The following FAM193A variants were observed in gnomAD, a reference collection of about 807,000 sequenced individuals.
FAM193A encodes the protein family with sequence similarity 193 member A.
A neutral mutation model predicts 126.5 loss-of-function variants in FAM193A; 22 were observed. The ratio of observed to expected loss-of-function variants is 0.17; its 90% confidence interval spans 0.12 to 0.25. The LOEUF (loss-of-function observed/expected upper bound fraction) is 0.25, where lower values mean the gene tolerates loss of function less well. Among genes scored for constraint, FAM193A ranks in the 10% least tolerant of loss-of-function variants. The probability of loss-of-function intolerance (pLI) is 1.00; values close to 1 mark genes in which losing one functional copy is unlikely to be tolerated. For missense variants in FAM193A, 1,675 were observed against 1,672.8 expected (o/e 1.00, Z -0.02); for synonymous variants, 761 against 646.8 (o/e 1.18, Z -2.68).
At chr4:2,547,604 CTGTGTG>C (rs34348453) in intron 1 of FAM193A, among the ~76,000 whole-genome samples, 15 of 144,926 alleles carry the variant, frequency 1.0e-4, no homozygotes, top group African/African-American at 3.1e-4. Context: ...GTGTGTGTGT[CTGTGTG>C]TGTGTGTGTG....
intron 13 of FAM193A, among the ~76,000 whole-genome samples, chr4:2,679,375 C>CTTTTTTTTTTTTTTTTTTTTTTT (rs796366785): frequency 1.1e-5 from 1 of 87,848 alleles, no homozygotes; most frequent in Non-Finnish European, 2.3e-5. Context: ...AGTTTTCTTT[C>CTTTTTTTTTTTTTTTTTTTTTTT]TTTTTTTTTT....
rs1259877680 is a variant in FAM193A, at chr4:2,553,774, C to T, written c.255+16604C>T. 3.3e-5 allele frequency among the ~76,000 whole-genome samples: 5 copies of T among 152,082 alleles called. No individual in the cohort carries two copies. In the East Asian group the frequency reaches 9.6e-4, roughly 29 times the overall value. On this transcript the variant is annotated intron_variant, in intron 1 of 20. Transcript: ENST00000637812. ...CAATTCTCGTGTGTTGTGGGAGGGACCTGGTGGCAGGTAATTGAATCATGC... is the reference window on the plus strand; with the variant it reads ...CAATTCTCGTGTGTTGTGGGAGGGATCTGGTGGCAGGTAATTGAATCATGC...
chr4:2,581,873 T>C (rs1219295179), intron 1 of FAM193A, among the ~76,000 whole-genome samples: 2 of 151,138 alleles, frequency 1.3e-5, no homozygotes, highest in African/African-American at 4.9e-5. Context: ...CAGGATGGTC[T>C]CAGTCTCCTG....
At chr4:2,621,857 C>T (rs1742563522) in intron 2 of FAM193A, among the ~76,000 whole-genome samples, 1 of 152,120 alleles carries the variant, frequency 6.6e-6, no homozygotes, top group Non-Finnish European at 1.5e-5. Context: ...CCACTGCCCT[C>T]TCCTTGCCCT....
chr4:2,553,127 C>T lies in FAM193A; in HGVS notation c.255+15957C>T, dbSNP rs372589409. 2.6e-5 allele frequency among the ~76,000 whole-genome samples: 4 copies of T among 152,238 alleles called. 1 individual carries two copies. Among genetic ancestry groups the T allele is most frequent in the East Asian group, 1.9e-4 (1 of 5,170 alleles). On this transcript the variant is annotated intron_variant, in intron 1 of 20. Coordinates refer to ENST00000637812, the MANE Select transcript of FAM193A (RefSeq NM_001366318.2). The stretch of plus-strand genomic sequence containing the variant: ...TCTCCCAGCGTGCTGGGATTACGGG[C>T]TTGAGCCACTGTGCCTGGCCGAAGT...
chr4:2,589,476 G>A (rs1740403455), intron 1 of FAM193A, among the ~76,000 whole-genome samples: 1 of 152,176 alleles, frequency 6.6e-6, no homozygotes, highest in Non-Finnish European at 1.5e-5. Flanking sequence ...TTAAAAGGAT[G>A]CTGTAATAAT....
At chr4:2,615,542 C>T (rs890005420) in intron 2 of FAM193A, among the ~76,000 whole-genome samples, 2 of 152,056 alleles carry the variant, frequency 1.3e-5, no homozygotes, top group Admixed American at 6.6e-5. Context: ...ATTTTTGAGA[C>T]GGAGCCTCAC....
intron 1 of FAM193A, among the ~76,000 whole-genome samples, chr4:2,544,372 C>G (rs1737421579): frequency 6.6e-6 from 1 of 151,910 alleles, no homozygotes; most frequent in Non-Finnish European, 1.5e-5. Context: ...CCAGCTTGAG[C>G]TATGTAGTGA....
intron 2 of FAM193A, among the ~76,000 whole-genome samples, chr4:2,612,230 C>A (rs1019939969): frequency 6.6e-6 from 1 of 151,404 alleles, no homozygotes; most frequent in Non-Finnish European, 1.5e-5. Flanking sequence ...CTGGCCGGGC[C>A]GTGGCTCACG....
chr4:2,571,321 C>T (rs1739280310), intron 1 of FAM193A, among the ~76,000 whole-genome samples: 1 of 152,154 alleles, frequency 6.6e-6, no homozygotes, highest in African/African-American at 2.4e-5. Context: ...GAGGAGAGGG[C>T]AGGTTCTAGA....
chr4:2,668,976 G>A (rs1713475222), intron 12 of FAM193A, among the ~76,000 whole-genome samples: 1 of 152,054 alleles, frequency 6.6e-6, no homozygotes, highest in Non-Finnish European at 1.5e-5. Flanking sequence ...CTGAGTAGCT[G>A]GGATCACAGG....
At chr4:2,675,187 G>A (rs1253057135) in intron 13 of FAM193A, among the ~76,000 whole-genome samples, 1 of 152,134 alleles carries the variant, frequency 6.6e-6, no homozygotes, top group African/African-American at 2.4e-5. Flanking sequence ...TGAATGTTCC[G>A]TGTGAGCTTC....
chr4:2,633,893 CAA>C (rs540771895), intron 5 of FAM193A, among the ~76,000 whole-genome samples: 1 of 151,586 alleles, frequency 6.6e-6, no homozygotes, highest in Admixed American at 6.6e-5. Flanking sequence ...AACTCCGTCT[CAA>C]AAAAAAGATG....
chr4:2,652,657 A>G (rs1388637937), intron 7 of FAM193A, among the ~76,000 whole-genome samples: 1 of 152,142 alleles, frequency 6.6e-6, no homozygotes, highest in Non-Finnish European at 1.5e-5. Flanking sequence ...ATCTGCCCCC[A>G]TGATCTGATC....
intron 1 of FAM193A, among the ~76,000 whole-genome samples, chr4:2,556,268 C>T (rs1326470054): frequency 1.3e-5 from 2 of 151,802 alleles, no homozygotes; most frequent in Non-Finnish European, 2.9e-5. Context: ...TGCAGTGACG[C>T]GATCTCGGCT....
intron 7 of FAM193A, among the ~76,000 whole-genome samples, chr4:2,649,731 T>C (rs543042399): frequency 2.0e-5 from 3 of 152,320 alleles, no homozygotes; most frequent in Non-Finnish European, 4.4e-5. Context: ...GGTATTGCAC[T>C]GTGGGCTGCT....
At chr4:2,646,542 G>T in intron 6 of FAM193A, 143 bp from the exon 7 acceptor site, 3 of 797,480 alleles carry the variant, frequency 3.8e-6, no homozygotes, top group Non-Finnish European at 6.0e-6. Context: ...ACAGCTCCCT[G>T]CTGTGGTGCA....
chr4:2,633,231 C>T (rs1229557065), intron 5 of FAM193A, among the ~76,000 whole-genome samples: 1 of 151,876 alleles, frequency 6.6e-6, no homozygotes, highest in East Asian at 1.9e-4. Context: ...AACCCCGTCT[C>T]TACTAAAAAT....
At chr4:2,559,247 C>T (rs1333446138) in intron 1 of FAM193A, among the ~76,000 whole-genome samples, 2 of 152,162 alleles carry the variant, frequency 1.3e-5, no homozygotes, top group African/African-American at 4.8e-5. Flanking sequence ...GGGACAACGA[C>T]AGAGCCCCTG....
Sources: gnomAD v4.1 joint callset for allele counts (sites outside exome capture counted in the v4.1 genomes callset) on GRCh38, gnomAD v4.1.1 for gene constraint, MANE v1.5 for transcripts, NCBI Gene and HGNC (gene_info 2026-07-23, HGNC 2026-07-21) for gene names.